The following CENPP variants were observed in gnomAD, a reference collection of about 807,000 sequenced individuals.
The protein encoded by CENPP is centromere protein P.
In CENPP, 24 loss-of-function variants were observed where a neutral mutation model predicts 35.6. The observed-to-expected ratio is 0.67, with a 90% CI of 0.49 to 0.95. CENPP has a LOEUF of 0.95. CENPP is among the 40% of genes least tolerant of loss of function. The pLI is 0.00. For synonymous variants in CENPP, 120 were observed against 125.5 expected, an observed-to-expected ratio of 0.96 and a Z score of 0.29; for missense variants, 332 against 345.3, an observed-to-expected ratio of 0.96 and a Z score of 0.31.
chr9:92,366,037 A>T (rs1284963831), intron 4 of CENPP, among the ~76,000 whole-genome samples: 2 of 151,916 alleles, frequency 1.3e-5, no homozygotes, highest in Non-Finnish European at 2.9e-5. Flanking sequence ...AAAATTAGCC[A>T]GGCGCGGTGG....
At chr9:92,438,918 TCCAG>T (rs1285206234) in intron 5 of CENPP, among the ~76,000 whole-genome samples, 9 of 152,238 alleles carry the variant, frequency 5.9e-5, no homozygotes, top group Non-Finnish European at 1.3e-4. Flanking sequence ...ATTACTGCAC[TCCAG>T]CCTGTGTGAC....
chr9:92,357,558 G>A (rs1021209935), intron 4 of CENPP, among the ~76,000 whole-genome samples: 3 of 151,142 alleles, frequency 2.0e-5, no homozygotes, highest in East Asian at 1.9e-4. Context: ...TCAATGGCGC[G>A]ATCTCAGCTC....
chr9:92,428,251 G>C (rs1207051932), intron 5 of CENPP, among the ~76,000 whole-genome samples: 2 of 152,094 alleles, frequency 1.3e-5, no homozygotes, highest in Non-Finnish European at 2.9e-5. Context: ...TGCCAACCCT[G>C]ACCACTCTCT....
intron 5 of CENPP, among the ~76,000 whole-genome samples, chr9:92,588,316 T>G (rs556478080): frequency 2.0e-5 from 3 of 151,702 alleles, no homozygotes; most frequent in African/African-American, 7.2e-5. Context: ...TGGCGCGATC[T>G]CGGCTCACTG....
chr9:92,354,927 T>C (rs1564275360), intron 4 of CENPP, among the ~76,000 whole-genome samples: 1 of 152,076 alleles, frequency 6.6e-6, no homozygotes, highest in Non-Finnish European at 1.5e-5. Flanking sequence ...ATTAAGGGTT[T>C]CAAAAGGGGA....
At chr9:92,445,764 A>G (rs1397307169) in intron 5 of CENPP, among the ~76,000 whole-genome samples, 2 of 151,904 alleles carry the variant, frequency 1.3e-5, no homozygotes, top group Non-Finnish European at 2.9e-5. Flanking sequence ...GACACCTGTA[A>G]TCCCAGCTAC....
chr9:92,511,080 A>G (rs1198749308), intron 5 of CENPP, among the ~76,000 whole-genome samples: 1 of 152,100 alleles, frequency 6.6e-6, no homozygotes, highest in Non-Finnish European at 1.5e-5. Flanking sequence ...TACAAACATA[A>G]ACCCCTTTTC....
chr9:92,344,626 C>G (rs1841228026), intron 3 of CENPP, among the ~76,000 whole-genome samples: 1 of 151,936 alleles, frequency 6.6e-6, no homozygotes, highest in Non-Finnish European at 1.5e-5. Flanking sequence ...TGGCTCGCTG[C>G]AACCTCTGCC....
intron 5 of CENPP, among the ~76,000 whole-genome samples, chr9:92,602,212 A>G (rs1850939564): frequency 6.6e-6 from 1 of 152,230 alleles, no homozygotes; most frequent in South Asian, 2.1e-4. Flanking sequence ...CCTATGGAAT[A>G]AACAAGTGAC....
chr9:92,535,334 A>T lies in CENPP; in HGVS notation c.565-75980A>T, dbSNP rs978418148. On this transcript the variant is annotated intron_variant, in intron 5 of 7. Transcript: ENST00000375587. The stretch of plus-strand genomic sequence containing the variant: ...CTTTGCACTTAATATTTGCTTTCAT[A>T]AACAACTTCGTAATTGAGTGTTTGC... 6.4e-4 allele frequency among the ~76,000 whole-genome samples: 98 copies of T among 152,340 alleles called. 1 individual carries two copies. The highest frequency in any genetic ancestry group is 2.3e-3 in the African/African-American group (96 of 41,578).
chr9:92,348,731 A>G (rs561600701), intron 4 of CENPP, among the ~76,000 whole-genome samples: 2 of 152,334 alleles, frequency 1.3e-5, no homozygotes, highest in East Asian at 3.9e-4. Flanking sequence ...TGGCCGTAAT[A>G]TCTATCAGCT....
intron 5 of CENPP, among the ~76,000 whole-genome samples, chr9:92,578,610 G>T (rs1258371394): frequency 6.6e-6 from 1 of 152,152 alleles, no homozygotes; most frequent in Non-Finnish European, 1.5e-5. Flanking sequence ...TTTGAGAAGT[G>T]TCTGTTCATG....
In CENPP at chr9:92,617,672, G is replaced by C. The variant is rs369759936; in HGVS notation, c.*4523G>C. 8.7e-4 allele frequency: 136 copies of C among 156,312 alleles called. 1 individual carries two copies. The highest frequency in any genetic ancestry group is 3.1e-3 in the African/African-American group (127 of 41,604). The allele number at this position is 156,312 out of a possible 1,614,324, so 9.7% of individuals were successfully genotyped here. A position where few individuals can be genotyped will look rare whatever the true frequency, so the allele number is the denominator to read the frequency against. On this transcript the variant is annotated 3_prime_UTR_variant, in exon 8 of 8. Transcript: ENST00000375587. The stretch of plus-strand genomic sequence containing the variant: ...CGTTCTCCAGGACACTGACCCGCTG[G>C]GGGTTACCGGGGGACCAGCAGCCTC...
chr9:92,332,887 T>TA (rs1472621979), intron 2 of CENPP, among the ~76,000 whole-genome samples: 4 of 151,296 alleles, frequency 2.6e-5, no homozygotes, highest in Admixed American at 6.6e-5. Flanking sequence ...TTTTTTTTTT[T>TA]ACCTTCTCCT....
At chr9:92,439,165 T>A (rs1432474481) in intron 5 of CENPP, among the ~76,000 whole-genome samples, 1 of 152,194 alleles carries the variant, frequency 6.6e-6, no homozygotes, top group Admixed American at 6.5e-5. Flanking sequence ...AGATCGTGTG[T>A]TATTATTTTT....
intron 4 of CENPP, among the ~76,000 whole-genome samples, chr9:92,365,398 T>A (rs966721000): frequency 2.8e-5 from 4 of 144,082 alleles, no homozygotes; most frequent in Admixed American, 7.5e-5. Flanking sequence ...CCTTGTATTA[T>A]AACTACTCTT....
intron 5 of CENPP, chr9:92,386,100 C>G: frequency 1.1e-6 from 1 of 904,496 alleles, no homozygotes; most frequent in African/African-American, 1.7e-5. Flanking sequence ...CTACAGTGAT[C>G]TAACCAAAAT....
chr9:92,444,765 G>T (rs1844509028), intron 5 of CENPP, among the ~76,000 whole-genome samples: 1 of 152,206 alleles, frequency 6.6e-6, no homozygotes, highest in Non-Finnish European at 1.5e-5. Context: ...GGAGGCTGCA[G>T]TGGGGAGAGG....
At chr9:92,326,189 C>T in intron 1 of CENPP, 84 bp downstream of exon 1, 3 of 841,166 alleles carry the variant, frequency 3.6e-6, no homozygotes, top group Non-Finnish European at 5.6e-6. Flanking sequence ...CATCCTCGGT[C>T]TCCTACTCCC....
Sources: allele counts gnomAD v4.1 joint callset (sites outside exome capture counted in the v4.1 genomes callset), GRCh38; gene constraint gnomAD v4.1.1; transcripts MANE v1.5; gene names NCBI Gene and HGNC (gene_info 2026-07-23, HGNC 2026-07-21).